ANKMY1: variants seen among roughly 807,000 people sequenced by gnomAD.
ANKMY1 encodes ankyrin repeat and MYND domain-containing protein 1.
In ANKMY1, 98 loss-of-function variants were observed where a neutral mutation model predicts 102.0. The observed-to-expected ratio is 0.96, with a 90% CI of 0.82 to 1.14. ANKMY1 has a LOEUF of 1.14. Among genes scored for constraint, ANKMY1 ranks in the 50% most tolerant of loss-of-function variants. The probability of loss-of-function intolerance (pLI) is 0.00; values close to 1 mark genes in which losing one functional copy is unlikely to be tolerated. For missense variants in ANKMY1, 1,330 were observed against 1,347.6 expected, an observed-to-expected ratio of 0.99 and a Z score of 0.20; for synonymous variants, 582 against 559.9, an observed-to-expected ratio of 1.04 and a Z score of -0.56.
downstream of ANKMY1, among the ~76,000 whole-genome samples, chr2:240,475,470 A>C (rs2151807247): frequency 6.6e-6 from 1 of 152,276 alleles, no homozygotes; most frequent in Middle Eastern, 3.4e-3. Context: ...CCTTGCTTAA[A>C]TACTTAAATA....
At chr2:240,480,509 TG>T (rs1374909332) in intron 17 of ANKMY1, among the ~76,000 whole-genome samples, 1 of 152,180 alleles carries the variant, frequency 6.6e-6, no homozygotes, top group East Asian at 1.9e-4. Flanking sequence ...GACGGCAGGC[TG>T]GGAGGAAATT....
chr2:240,560,788 G>A, upstream of ANKMY1: 3 of 1,454,968 alleles, frequency 2.1e-6, no homozygotes, highest in Non-Finnish European at 2.7e-6. Flanking sequence ...CGAGCCGCGG[G>A]CGCGGAGGAG....
chr2:240,539,419 C>T (rs957041456), intron 4 of ANKMY1, among the ~76,000 whole-genome samples: 2 of 152,152 alleles, frequency 1.3e-5, no homozygotes, highest in African/African-American at 4.8e-5. Flanking sequence ...GACCATGAAC[C>T]CGCCAGAAGG....
At chr2:240,475,517 C>A (rs1181284513), downstream of ANKMY1, among the ~76,000 whole-genome samples, 1 of 151,816 alleles carries the variant, frequency 6.6e-6, no homozygotes, top group Admixed American at 6.6e-5. Context: ...GGTAAAAGAA[C>A]CTTGCTTAAA....
intron 2 of ANKMY1, chr2:240,555,373 CTGTCCCACTCCAG>C (rs2092209787): frequency 5.7e-6 from 2 of 353,776 alleles, no homozygotes; most frequent in African/African-American, 2.0e-5. Flanking sequence ...CGATGGCCCT[CTGTCCCACTCCAG>C]CTGCCTGCAG....
chr2:240,502,609 C>T (rs1423571440), intron 13 of ANKMY1, among the ~76,000 whole-genome samples: 1 of 151,940 alleles, frequency 6.6e-6, no homozygotes, highest in African/African-American at 2.4e-5. Context: ...GCTGACCTGC[C>T]CGTCGCTCAC....
chr2:240,473,478 C>CAAAAAAAAAA, the ANKMY1 span, among the ~76,000 whole-genome samples: 1 of 135,078 alleles, frequency 7.4e-6, no homozygotes, highest in African/African-American at 2.8e-5. Flanking sequence ...ACCAATTAAC[C>CAAAAAAAAAA]AAAAAAAAAA....
chr2:240,523,923 G>A lies in ANKMY1; in HGVS notation c.1794C>T (p.Asp598=), dbSNP rs368090585. The A allele has an allele frequency of 3.5e-5, 56 of 1,613,734 alleles. No individual in the cohort carries two copies. The African/African-American group carries it at 7.3e-4, about 21-fold the overall frequency. ...ASPSPCTSSF[D]KGTMRRMALS... Reference sequence around the variant, plus strand: ...GCGCCATCCTCCGCATGGTCCCTTTGTCGAAGCTGCTGGTGCACGGTGAGG... The same window carrying A: ...GCGCCATCCTCCGCATGGTCCCTTTATCGAAGCTGCTGGTGCACGGTGAGG... The change falls in exon 8 of 18, where the codon GAC becomes GAT. Residue 598 remains aspartate (D), a synonymous_variant. Transcript: ENST00000401804.
intron 11 of ANKMY1, among the ~76,000 whole-genome samples, chr2:240,510,878 A>T (rs2080039779): frequency 6.7e-6 from 1 of 150,088 alleles, no homozygotes. Context: ...AAGTGTGCGA[A>T]CAGAAAGCCC....
intron 8 of ANKMY1, chr2:240,522,894 G>A (rs2082590325): frequency 2.0e-5 from 3 of 152,222 alleles, no homozygotes; most frequent in Non-Finnish European, 4.4e-5. Context: ...CTATTCACTT[G>A]AAAATGTAAA....
At position 240,520,299 on chromosome 2, in the gene ANKMY1, T is replaced by C; in HGVS notation, c.2004+63A>G. ...TCCGCGCCTAGGTGGAGCGAGGAGC[T>C]TCCCGGCCAGTGCCCGGGAGTCTGC... On this transcript the variant is annotated intron_variant, in intron 9 of 17. Coordinates refer to ENST00000401804, the MANE Select transcript of ANKMY1 (RefSeq NM_001282771.3). This position sits in a 1 kb window ranked among gnomAD's most constrained non-coding sequence, Gnocchi z 4.8. The C allele has an allele frequency of 4.0e-6, 6 of 1,488,632 alleles. No individual in the cohort carries two copies. The highest frequency in any genetic ancestry group is 5.4e-6 in the Non-Finnish European group (6 of 1,112,398). The allele number at this position is 1,488,632 out of a possible 1,614,324, so 92.2% of individuals were successfully genotyped here. A position where few individuals can be genotyped will look rare whatever the true frequency, so the allele number is the denominator to read the frequency against.
intron 9 of ANKMY1, among the ~76,000 whole-genome samples, chr2:240,518,760 C>A (rs1269190860): frequency 2.0e-5 from 3 of 152,162 alleles, no homozygotes. Flanking sequence ...AGGTTGTGAC[C>A]TTAATCAGTT....
At chr2:240,547,552 CA>C (rs1162483551) in intron 4 of ANKMY1, among the ~76,000 whole-genome samples, 1 of 144,004 alleles carries the variant, frequency 6.9e-6, no homozygotes, top group African/African-American at 2.6e-5. Context: ...AAAAACCCTT[CA>C]AAAAATTAAT....
chr2:240,498,129 C>T (rs944556295), intron 15 of ANKMY1, among the ~76,000 whole-genome samples: 1 of 151,632 alleles, frequency 6.6e-6, no homozygotes, highest in African/African-American at 2.4e-5. Flanking sequence ...TGCTGGTGGG[C>T]GAGCCAGGTG....
intron 15 of ANKMY1, among the ~76,000 whole-genome samples, chr2:240,483,349 G>T (rs190625499): frequency 1.2e-3 from 176 of 152,188 alleles, no homozygotes; most frequent in African/African-American, 4.0e-3. Context: ...TAGAGACAGG[G>T]TTTCACCGTA....
intron 4 of ANKMY1, among the ~76,000 whole-genome samples, chr2:240,544,910 A>C (rs957068291): frequency 1.3e-5 from 2 of 152,162 alleles, no homozygotes; most frequent in African/African-American, 2.4e-5. Context: ...ATCAAACTGC[A>C]AGGCGGCAGC....
At chr2:240,484,370 C>G (rs1446353533) in intron 15 of ANKMY1, among the ~76,000 whole-genome samples, 1 of 152,170 alleles carries the variant, frequency 6.6e-6, no homozygotes, top group Non-Finnish European at 1.5e-5. Context: ...ACCAATGGAA[C>G]AGAACAGAGG....
rs35278753 is a variant in ANKMY1 at position 240,529,458 on chromosome 2, C to T, written c.532G>A (p.Asp178Asn). The T allele has an allele frequency of 0.025, 41,140 of 1,614,004 alleles. 645 individuals carry two copies. The highest frequency in any genetic ancestry group is 0.03 in the Non-Finnish European group (35,443 of 1,180,014). Residue 178 changes from aspartate (D) to asparagine (N), a missense_variant, in exon 5 of 18, where the codon GAT (aspartate) becomes AAT (asparagine). Asp to Asn is a conservative substitution (Grantham distance 23). Coordinates refer to ENST00000401804, the MANE Select transcript of ANKMY1 (RefSeq NM_001282771.3). This position sits in a 1 kb window ranked among gnomAD's most constrained non-coding sequence, Gnocchi z 4.2. The part of the protein sequence containing the change: ...RFGPGVETYP[D>N]GSQDVGLWFR... ...CACAGCCCCACGTCCTGGCTGCCATCGGGGTAGGTCTCGACACCTGGCCCA... is the reference window on the plus strand; with the variant it reads ...CACAGCCCCACGTCCTGGCTGCCATTGGGGTAGGTCTCGACACCTGGCCCA...
At chr2:240,558,630 G>A (rs997416569), upstream of ANKMY1, 4 of 152,336 alleles carry the variant, frequency 2.6e-5, no homozygotes, top group African/African-American at 9.6e-5. Context: ...CTGCAAAGAG[G>A]GGAGAGGCTC....
Sources: gnomAD v4.1 joint callset for allele counts (sites outside exome capture counted in the v4.1 genomes callset) on GRCh38, gnomAD v4.1.1 for gene constraint, Gnocchi (gnomAD v3.1) non-coding constraint, MANE v1.5 for transcripts, NCBI Gene and HGNC (gene_info 2026-07-23, HGNC 2026-07-21) for gene names.